Variants in SCRN1 observed in about 807,000 individuals in gnomAD.
The protein encoded by SCRN1 is secernin-1.
SCRN1 carries 19 observed loss-of-function variants against 43.3 expected under a neutral mutation model. The observed-to-expected ratio is 0.44, with a 90% CI of 0.31 to 0.64. The LOEUF is 0.64. SCRN1 is among the 30% of genes least tolerant of loss of function. SCRN1 has a pLI of 0.09. For synonymous variants in SCRN1, 183 were observed against 188.9 expected, an observed-to-expected ratio of 0.97 and a Z score of 0.26; for missense variants, 447 against 524.1, an observed-to-expected ratio of 0.85 and a Z score of 1.44.
rs570800078 is a variant in SCRN1, at chr7:29,953,925, G to A, written c.341+1254C>T. Reference sequence around the variant, plus strand: ...AAAAATGAGGAAACTGTGGCCCAGAGAGGTGATGTAACTTGGTACATCCAC... The same window carrying A: ...AAAAATGAGGAAACTGTGGCCCAGAAAGGTGATGTAACTTGGTACATCCAC... On this transcript the variant is annotated intron_variant, in intron 3 of 7. Coordinates refer to ENST00000242059, the MANE Select transcript of SCRN1 (RefSeq NM_014766.5). Among the ~76,000 whole-genome samples, 65 of 152,272 alleles carry A rather than the reference G, an allele frequency of 4.3e-4. 1 individual carries two copies. The highest frequency in any genetic ancestry group is 2.6e-4 in the Admixed American group (4 of 15,302).
chr7:29,957,817 A>G (rs993818747), intron 2 of SCRN1, among the ~76,000 whole-genome samples: 3 of 152,200 alleles, frequency 2.0e-5, no homozygotes, highest in Non-Finnish European at 2.9e-5. Context: ...TAAGAGAGGA[A>G]GGGGCATGTG....
rs367919883 is a variant in SCRN1 at position 29,940,701 on chromosome 7, G to T, written c.720C>A (p.Asp240Glu). Residue 240 changes from aspartate to glutamate, a missense_variant, in exon 5 of 8, where the codon GAC becomes GAA. Asp to Glu is a conservative substitution (Grantham distance 45). Transcript: ENST00000242059. ...ACTCACCTTCTTGTTTTTCTAAGCT[G>T]TCTTTGCCAGCACCGCAGTCTAGAT... ...EDHLDCGAGK[D>E]SLEKQEESIT... The T allele has an allele frequency of 8.1e-6, 13 of 1,604,424 alleles. No homozygotes were observed. The highest frequency in any genetic ancestry group is 9.3e-6 in the Non-Finnish European group (11 of 1,177,556).
At chr7:29,986,331 T>C (rs1250124634) in intron 1 of SCRN1, among the ~76,000 whole-genome samples, 1 of 152,256 alleles carries the variant, frequency 6.6e-6, no homozygotes, top group Non-Finnish European at 1.5e-5. Context: ...GAATTATTTT[T>C]AGTAATATAT....
intron 3 of SCRN1, among the ~76,000 whole-genome samples, chr7:29,951,709 G>A (rs1464848110): frequency 6.6e-6 from 1 of 152,336 alleles, no homozygotes; most frequent in South Asian, 2.1e-4. Context: ...TTAGCTTTGA[G>A]ATAAATGTCA....
chr7:29,934,415 G>T (rs2128087928), intron 6 of SCRN1, among the ~76,000 whole-genome samples: 1 of 152,244 alleles, frequency 6.6e-6, no homozygotes, highest in Non-Finnish European at 1.5e-5. Flanking sequence ...ACAGGAGTTG[G>T]TTCAGCTCAA....
At chr7:29,943,952 C>G (rs1479209167) in intron 4 of SCRN1, 25 bp downstream of exon 4, 1 of 1,611,800 alleles carries the variant, frequency 6.2e-7, no homozygotes, top group Admixed American at 1.7e-5. Flanking sequence ...GTCCTCAGAA[C>G]TCTCCATCAT....
At chr7:29,988,435 GC>G (rs1276532736) in intron 1 of SCRN1, among the ~76,000 whole-genome samples, 5 of 152,114 alleles carry the variant, frequency 3.3e-5, no homozygotes, top group Admixed American at 2.6e-4. Flanking sequence ...CTAAAATCTA[GC>G]CAGCTCCAAG....
At chr7:29,978,761 C>T (rs940001814) in intron 1 of SCRN1, among the ~76,000 whole-genome samples, 3 of 152,248 alleles carry the variant, frequency 2.0e-5, no homozygotes, top group African/African-American at 4.8e-5. Context: ...GGCGGAGACT[C>T]TGGGAGAACC....
At chr7:29,953,169 G>C (rs552456706) in intron 3 of SCRN1, among the ~76,000 whole-genome samples, 1 of 152,340 alleles carries the variant, frequency 6.6e-6, no homozygotes, top group African/African-American at 2.4e-5. Flanking sequence ...GGAATTCTGT[G>C]CCATTCACGT....
chr7:29,954,789 T>C (rs1159936829), intron 3 of SCRN1, among the ~76,000 whole-genome samples: 2 of 152,198 alleles, frequency 1.3e-5, no homozygotes, highest in African/African-American at 4.8e-5. Context: ...CCAGCAATTC[T>C]CCTGTCTCAG....
Position 29,920,341 on chromosome 7 carries a change from A to G in SCRN1, c.*3616T>C, listed in dbSNP as rs916055768. On this transcript the variant is annotated 3_prime_UTR_variant, in exon 8 of 8. Coordinates refer to ENST00000242059, the MANE Select transcript of SCRN1 (RefSeq NM_014766.5). The stretch of plus-strand genomic sequence containing the variant: ...AAATTCTCACAGCATAATTGCAAAC[A>G]TGTACATATTGGTTCCCACGAGAAA... The G allele has an allele frequency of 6.6e-6, 1 of 152,196 alleles. No individual in the cohort carries two copies. The highest frequency in any genetic ancestry group is 2.4e-5 in the African/African-American group (1 of 41,422). 9.4% of individuals were successfully genotyped at this position (152,196 alleles called of 1,614,324 possible).
Position 29,927,395 on chromosome 7 carries a change from G to A in SCRN1, c.906-763C>T, listed in dbSNP as rs370763883. 1.4e-4 allele frequency among the ~76,000 whole-genome samples: 15 copies of A among 110,796 alleles called. No individual in the cohort carries two copies. The East Asian group carries it at 2.2e-3, about 16-fold the overall frequency. The allele number at this position is 110,796 out of a possible 152,430, so 72.7% of individuals were successfully genotyped here. On this transcript the variant is annotated intron_variant, in intron 6 of 7. Transcript: ENST00000242059. ...ACACACACACACACACAAGAGCCAC[G>A]CATATAAACAGCTGTGGCCTGGGAT...
rs1457968907 is a variant in SCRN1, at chr7:29,936,598, G to A, written c.863C>T (p.Ser288Phe). 6.2e-7 allele frequency: 1 copy of A among 1,603,172 alleles called. No homozygotes were observed. Among genetic ancestry groups the A allele is most frequent in the Non-Finnish European group, 8.5e-7 (1 of 1,171,512 alleles). Reference protein sequence around the residue: ...GVSVLPQNRSSPCIHYFTGTP... With the variant: ...GVSVLPQNRSFPCIHYFTGTP... The stretch of plus-strand genomic sequence containing the variant: ...TCCAGTGAAGTAGTGAATGCACGGA[G>A]AGCTTCTATTCTGCGGCAGGACAGA... The change falls in exon 6 of 8, where the codon TCT becomes TTT. Residue 288 changes from serine (S) to phenylalanine (F), a missense_variant. Coordinates refer to ENST00000242059, the MANE Select transcript of SCRN1 (RefSeq NM_014766.5).
At chr7:29,933,489 G>A (rs1432724490) in intron 6 of SCRN1, among the ~76,000 whole-genome samples, 1 of 152,180 alleles carries the variant, frequency 6.6e-6, no homozygotes, top group African/African-American at 2.4e-5. Flanking sequence ...TCACATCAAT[G>A]AAGCTTTAAC....
intron 3 of SCRN1, 113 bp from the exon 4 acceptor site, chr7:29,944,292 C>T: frequency 1.2e-6 from 1 of 828,928 alleles, no homozygotes; most frequent in Non-Finnish European, 2.0e-6. Context: ...CATGTGTAAA[C>T]ATGTTAAGTC....
chr7:29,929,200 A>C (rs945611102), intron 6 of SCRN1, among the ~76,000 whole-genome samples: 1 of 152,208 alleles, frequency 6.6e-6, no homozygotes, highest in Non-Finnish European at 1.5e-5. Flanking sequence ...CCCACCCAGC[A>C]GCCCAGAGTC....
chr7:29,946,835 C>T (rs1472286282), intron 3 of SCRN1, among the ~76,000 whole-genome samples: 1 of 152,226 alleles, frequency 6.6e-6, no homozygotes, highest in Non-Finnish European at 1.5e-5. Flanking sequence ...GTGAATAACA[C>T]CAGGGTTACA....
rs1281787600 is a variant in SCRN1 at position 29,921,934 on chromosome 7, T to G, written c.*2023A>C. On this transcript the variant is annotated 3_prime_UTR_variant, in exon 8 of 8. Coordinates refer to ENST00000242059, the MANE Select transcript of SCRN1 (RefSeq NM_014766.5). ...TCATAGTAGGCGAAGGTGAAATCAC[T>G]CAGTGAGATTTTAGAGCAGCTTTCT... 1 of 152,208 alleles carries G rather than the reference T, an allele frequency of 6.6e-6. No individual in the cohort carries two copies. The highest frequency in any genetic ancestry group is 1.5e-5 in the Non-Finnish European group (1 of 68,032). 9.4% of individuals were successfully genotyped at this position (152,208 alleles called of 1,614,324 possible).
chr7:29,936,028 A>T (rs2128088389), intron 6 of SCRN1, among the ~76,000 whole-genome samples: 1 of 152,328 alleles, frequency 6.6e-6, no homozygotes, highest in South Asian at 2.1e-4. Context: ...GCTGAAGCAC[A>T]TGGGCAGAAA....
Sources: allele counts gnomAD v4.1 joint callset (sites outside exome capture counted in the v4.1 genomes callset), GRCh38; gene constraint gnomAD v4.1.1; transcripts MANE v1.5; gene names NCBI Gene and HGNC (gene_info 2026-07-23, HGNC 2026-07-21).